FSTL4: variants seen among roughly 807,000 people sequenced by gnomAD.
FSTL4 encodes follistatin-related protein 4.
Under a neutral mutation model 78.2 loss-of-function variants are expected in FSTL4, and 28 were observed. That is an observed-to-expected ratio of 0.36 (90% CI 0.27 to 0.49). The LOEUF is 0.49. Ranked by LOEUF, FSTL4 falls within the 20% of genes least tolerant of loss-of-function variation. FSTL4 has a pLI of 0.98. For missense variants in FSTL4, 922 were observed against 1,084.9 expected (o/e 0.85, Z 2.11); for synonymous variants, 422 against 440.5 (o/e 0.96, Z 0.53).
At chr5:133,247,443 G>A (rs936459899) in intron 7 of FSTL4, 1 of 152,214 alleles carries the variant, frequency 6.6e-6, no homozygotes, top group Non-Finnish European at 1.5e-5. Context: ...GGAGCGCCAA[G>A]TAATGCACAT....
At chr5:133,330,049 T>A (rs1429988543) in intron 4 of FSTL4, among the ~76,000 whole-genome samples, 1 of 152,212 alleles carries the variant, frequency 6.6e-6, no homozygotes, top group Non-Finnish European at 1.5e-5. Context: ...AACACTTGAA[T>A]ATTCAAGTTG....
At position 133,464,710 on chromosome 5, in the gene FSTL4, G is replaced by A. The variant is rs560542748; in HGVS notation, c.161-63724C>T. ...GAAAACTTGGTCCCTGGACCTGGAG[G>A]CCACACAGAGTCGAGCCAGGGAGTT... On this transcript the variant is annotated intron_variant, in intron 3 of 15. Coordinates refer to ENST00000265342, the MANE Select transcript of FSTL4 (RefSeq NM_015082.2). Among the ~76,000 whole-genome samples, 675 of 152,340 alleles carry A rather than the reference G, an allele frequency of 4.4e-3. 3 individuals carry two copies. The highest frequency in any genetic ancestry group is 0.014 in the African/African-American group (602 of 41,584).
the FSTL4 span, among the ~76,000 whole-genome samples, chr5:133,636,348 T>C: frequency 6.6e-6 from 1 of 152,124 alleles, no homozygotes; most frequent in East Asian, 1.9e-4. Flanking sequence ...AATTCCAAAG[T>C]TGTGTTTTAG....
intron 4 of FSTL4, among the ~76,000 whole-genome samples, chr5:133,343,598 C>T (rs1054939825): frequency 4.6e-5 from 7 of 152,178 alleles, no homozygotes; most frequent in African/African-American, 1.2e-4. Flanking sequence ...AAGACTCTGA[C>T]CTTATAATTG....
At chr5:133,525,260 G>A (rs1037538457) in intron 3 of FSTL4, among the ~76,000 whole-genome samples, 9 of 152,326 alleles carry the variant, frequency 5.9e-5, no homozygotes, top group African/African-American at 1.9e-4. Context: ...CAAGCCAAGC[G>A]TGATGCTTGA....
chr5:133,275,428 C>T (rs772671819), intron 6 of FSTL4, among the ~76,000 whole-genome samples: 5 of 151,960 alleles, frequency 3.3e-5, no homozygotes, highest in East Asian at 1.9e-4. Context: ...GGCGTGGTGG[C>T]GGGTGCCTGT....
chr5:133,411,631 C>A (rs566201931), intron 3 of FSTL4, among the ~76,000 whole-genome samples: 1 of 152,206 alleles, frequency 6.6e-6, no homozygotes, highest in Admixed American at 6.5e-5. Context: ...CCTTAAATAG[C>A]CAATCACTAA....
intron 3 of FSTL4, among the ~76,000 whole-genome samples, chr5:133,464,110 TGGATGTTCCACCTA>T (rs1055948776): frequency 1.3e-5 from 2 of 152,232 alleles, no homozygotes; most frequent in Non-Finnish European, 2.9e-5. Context: ...AAGGTGCCCT[TGGATGTTCCACCTA>T]GAAGCTCTGC....
In FSTL4 at chr5:133,439,494, C is replaced by T. The variant is rs182368002; in HGVS notation, c.161-38508G>A. On this transcript the variant is annotated intron_variant, in intron 3 of 15. Transcript: ENST00000265342. ...GTGGGAGGCTGGCTGTCCTTTCTAC[C>T]GCTAAAAAGAAACAGCTCTGGAGGA... is the stretch of plus-strand genomic sequence containing the variant. 3.4e-3 allele frequency among the ~76,000 whole-genome samples: 518 copies of T among 152,206 alleles called. 2 individuals are homozygous for T. The highest frequency in any genetic ancestry group is 5.5e-3 in the Non-Finnish European group (373 of 68,008).
Position 133,225,650 on chromosome 5 carries a change from G to C in FSTL4, c.1177+8C>G. The C allele has an allele frequency of 6.3e-7, 1 of 1,575,728 alleles. No homozygotes were observed. ...ATCGCATAGACGTCTACCAAGGGCA[G>C]TTCTTACCTAAAAGGGAGAGCTGTT... On this transcript the variant is annotated splice_region_variant and intron_variant, in intron 9 of 15. Transcript: ENST00000265342. This position sits in a 1 kb window ranked among gnomAD's most constrained non-coding sequence, Gnocchi z 4.6.
intron 3 of FSTL4, among the ~76,000 whole-genome samples, chr5:133,421,810 C>T (rs573391667): frequency 1.8e-4 from 28 of 152,308 alleles, no homozygotes; most frequent in African/African-American, 6.7e-4. Flanking sequence ...GAGTGTGTGC[C>T]AGGCCATATT....
intron 7 of FSTL4, among the ~76,000 whole-genome samples, chr5:133,243,592 G>C (rs182511178): frequency 6.6e-6 from 1 of 152,358 alleles, no homozygotes; most frequent in East Asian, 1.9e-4. Flanking sequence ...GAAACCCAGA[G>C]AGCTCTGGGC....
the FSTL4 span, among the ~76,000 whole-genome samples, chr5:133,679,486 A>G: frequency 6.6e-6 from 1 of 152,080 alleles, no homozygotes; most frequent in Non-Finnish European, 1.5e-5. Context: ...GTCTTGGACC[A>G]TTTCCTAGGA....
At chr5:133,203,978 A>ATAAC (rs928567890) in intron 14 of FSTL4, among the ~76,000 whole-genome samples, 1 of 137,272 alleles carries the variant, frequency 7.3e-6, no homozygotes, top group African/African-American at 2.7e-5. Flanking sequence ...CTAAAGATAG[A>ATAAC]TAACTGTCAA....
chr5:133,818,446 G>C, the FSTL4 span, among the ~76,000 whole-genome samples: 1 of 152,164 alleles, frequency 6.6e-6, no homozygotes, highest in Non-Finnish European at 1.5e-5. Context: ...GCTGGATCCA[G>C]CTACTGGAGA....
chr5:133,592,938 A>G (rs987613322), intron 2 of FSTL4, among the ~76,000 whole-genome samples: 4 of 152,158 alleles, frequency 2.6e-5, no homozygotes, highest in Admixed American at 6.5e-5. Flanking sequence ...TTATAGCAAC[A>G]CTAAATGGGC....
chr5:133,640,909 T>C, the FSTL4 span, among the ~76,000 whole-genome samples: 2 of 152,326 alleles, frequency 1.3e-5, no homozygotes, highest in African/African-American at 4.8e-5. Flanking sequence ...GGCTTCATGT[T>C]TCATAATCAG....
the FSTL4 span, among the ~76,000 whole-genome samples, chr5:133,665,733 C>T: frequency 6.6e-6 from 1 of 152,334 alleles, no homozygotes; most frequent in East Asian, 1.9e-4. Flanking sequence ...AACCTGGGAA[C>T]ATCTGGCTGA....
chr5:133,278,899 T>C (rs1752948636), intron 6 of FSTL4, among the ~76,000 whole-genome samples: 1 of 152,210 alleles, frequency 6.6e-6, no homozygotes, highest in East Asian at 1.9e-4. Flanking sequence ...GATGGCAAGG[T>C]AGCCTCAGGT....
Sources: allele counts gnomAD v4.1 joint callset (sites outside exome capture counted in the v4.1 genomes callset), GRCh38; gene constraint gnomAD v4.1.1; non-coding constraint Gnocchi (gnomAD v3.1); transcripts MANE v1.5; gene names NCBI Gene and HGNC (gene_info 2026-07-23, HGNC 2026-07-21).